Variants in FRYL observed in about 807,000 individuals in gnomAD.
FRYL encodes protein furry homolog-like.
FRYL carries 150 observed loss-of-function variants against 351.2 expected under a neutral mutation model. The ratio of observed to expected loss-of-function variants is 0.43; its 90% confidence interval spans 0.37 to 0.49. The LOEUF (loss-of-function observed/expected upper bound fraction) is 0.49, where lower values mean the gene tolerates loss of function less well. Among genes scored for constraint, FRYL ranks in the 20% least tolerant of loss-of-function variants. The probability of loss-of-function intolerance (pLI) is 0.00; values close to 1 mark genes in which losing one functional copy is unlikely to be tolerated. For synonymous variants in FRYL, 1,153 were observed against 1,257.1 expected, an observed-to-expected ratio of 0.92 and a Z score of 1.75; for missense variants, 3,036 against 3,619.3, an observed-to-expected ratio of 0.84 and a Z score of 4.13.
At chr4:48,518,336 G>A (rs978378452) in intron 55 of FRYL, among the ~76,000 whole-genome samples, 4 of 152,118 alleles carry the variant, frequency 2.6e-5, no homozygotes, top group African/African-American at 9.7e-5. Flanking sequence ...GTCAGGCCCT[G>A]CTAAATTCTT....
At chr4:48,742,557 T>A (rs545524624) in intron 1 of FRYL, among the ~76,000 whole-genome samples, 2 of 152,186 alleles carry the variant, frequency 1.3e-5, no homozygotes, top group East Asian at 3.8e-4. Context: ...AATAGATTGA[T>A]ATTGTCAGTT....
chr4:48,560,286 G>A (rs1475447677), intron 33 of FRYL, among the ~76,000 whole-genome samples: 3 of 152,214 alleles, frequency 2.0e-5, no homozygotes, highest in African/African-American at 7.2e-5. Context: ...TGTTTGTCTT[G>A]CCTTAGAAAC....
chr4:48,755,326 C>T (rs74498004), intron 1 of FRYL, among the ~76,000 whole-genome samples: 3,391 of 152,210 alleles, frequency 0.022, 72 homozygotes, highest in Non-Finnish European at 0.032. Flanking sequence ...TTCATTTCTT[C>T]CAGAAATTTG....
At chr4:48,553,875 C>T (rs1340995447) in intron 35 of FRYL, among the ~76,000 whole-genome samples, 3 of 152,064 alleles carry the variant, frequency 2.0e-5, no homozygotes, top group African/African-American at 4.8e-5. Context: ...AACTACATTG[C>T]CTGGTTTGGA....
In FRYL at chr4:48,567,509, CAT is replaced by C. The variant is rs1236082507; in HGVS notation, c.2997-91_2997-90del. 6 of 946,618 alleles carry C rather than the reference CAT, an allele frequency of 6.3e-6. No individual in the cohort carries two copies. The highest frequency in any genetic ancestry group is 3.4e-5 in the African/African-American group (2 of 59,236). 58.6% of individuals were successfully genotyped at this position (946,618 alleles called of 1,614,324 possible). On this transcript the variant is annotated intron_variant, in intron 27 of 63. Coordinates refer to ENST00000358350, the MANE Select transcript of FRYL (RefSeq NM_015030.2). This position sits in a 1 kb window ranked among gnomAD's most constrained non-coding sequence, Gnocchi z 4.2. ...CTTAATACTCAAAATCAGAATAATA[CAT>C]GTTAATTTTGCATGCTCATGGCAGC...
At chr4:48,593,662 C>G (rs1744003129) in intron 16 of FRYL, among the ~76,000 whole-genome samples, 2 of 152,154 alleles carry the variant, frequency 1.3e-5, no homozygotes, top group Admixed American at 1.3e-4. Context: ...CCGTGCCCGG[C>G]CTATTTATTA....
intron 1 of FRYL, among the ~76,000 whole-genome samples, chr4:48,778,308 G>C (rs1246705422): frequency 6.7e-6 from 1 of 149,004 alleles, no homozygotes; most frequent in Non-Finnish European, 1.5e-5. Context: ...ATCGATGAAC[G>C]CTTTAAAAAG....
intron 34 of FRYL, 149 bp downstream of exon 34, chr4:48,557,304 G>T (rs1734340930): frequency 8.3e-7 from 1 of 1,210,606 alleles, no homozygotes; most frequent in Non-Finnish European, 1.1e-6. Flanking sequence ...TATGGTTTTA[G>T]TAAAAAAAAT....
chr4:48,686,612 TG>T (rs1765175385), intron 2 of FRYL, among the ~76,000 whole-genome samples: 1 of 152,244 alleles, frequency 6.6e-6, no homozygotes, highest in African/African-American at 2.4e-5. Context: ...TTTCATCTTC[TG>T]GGACAAATCA....
chr4:48,521,695 C>A (rs1724942745), intron 54 of FRYL, among the ~76,000 whole-genome samples: 2 of 152,168 alleles, frequency 1.3e-5, no homozygotes, highest in East Asian at 3.8e-4. Context: ...GTAACTAATA[C>A]ACGTAAAACA....
chr4:48,531,007 T>TC, intron 50 of FRYL, 149 bp downstream of exon 50: 1 of 603,812 alleles, frequency 1.7e-6, no homozygotes, highest in Non-Finnish European at 3.0e-6. Context: ...GCAGGCCTTC[T>TC]CCCCATCCCC....
chr4:48,552,369 T>C (rs756412794), intron 36 of FRYL, among the ~76,000 whole-genome samples: 7 of 152,028 alleles, frequency 4.6e-5, no homozygotes, highest in African/African-American at 1.2e-4. Context: ...CCTACAGACG[T>C]TGGCATCACT....
intron 1 of FRYL, among the ~76,000 whole-genome samples, chr4:48,779,570 C>G (rs1299805824): frequency 6.6e-6 from 1 of 151,986 alleles, no homozygotes; most frequent in Non-Finnish European, 1.5e-5. Context: ...TAAGTTTGCT[C>G]CTCAGCCCTC....
Position 48,531,173 on chromosome 4 carries a change from G to A in FRYL, c.6886C>T (p.His2296Tyr). 1 of 1,600,402 alleles carries A rather than the reference G, an allele frequency of 6.2e-7. No homozygotes were observed. Among genetic ancestry groups the A allele is most frequent in the Non-Finnish European group, 8.6e-7 (1 of 1,168,550 alleles). The change falls in exon 50 of 64, where the codon CAT (histidine) becomes TAT (tyrosine). Residue 2296 changes from histidine (H) to tyrosine (Y), a missense_variant. By Grantham distance (83) the His-to-Tyr change is moderately conservative (BLOSUM62 2). This residue lies in a region of FRYL where 1,987 missense variants were observed against 2,311.7 expected (regional missense o/e 0.86). Coordinates refer to ENST00000358350, the MANE Select transcript of FRYL (RefSeq NM_015030.2). ...CATCTTACCTCAGATATATCAAAAT[G>A]AAAATCTAAGGTCTTCCCAGGCAAC... ...KELPGKTLDFHFDISETPIIG... is the reference protein window; with the variant it reads ...KELPGKTLDFYFDISETPIIG...
At chr4:48,658,020 C>G (rs999621137) in intron 3 of FRYL, among the ~76,000 whole-genome samples, 1 of 152,142 alleles carries the variant, frequency 6.6e-6, no homozygotes, top group African/African-American at 2.4e-5. Flanking sequence ...AGCACAGAGT[C>G]AACAGAGGTA....
intron 40 of FRYL, 72 bp from the exon 41 acceptor site, chr4:48,547,841 T>C: frequency 9.4e-7 from 1 of 1,060,444 alleles, no homozygotes; most frequent in Non-Finnish European, 1.3e-6. Context: ...AACTCACATT[T>C]TGAAGAAAAG....
At chr4:48,635,232 T>C (rs866421464) in intron 3 of FRYL, among the ~76,000 whole-genome samples, 12 of 152,060 alleles carry the variant, frequency 7.9e-5, no homozygotes, top group African/African-American at 2.9e-4. Flanking sequence ...TGGAAAGCAT[T>C]AATATGGAGA....
chr4:48,681,070 TCCAAAA>T (rs2149539606), intron 3 of FRYL: 2 of 1,278,130 alleles, frequency 1.6e-6, no homozygotes, highest in Non-Finnish European at 2.0e-6. Context: ...AGTACTAGTA[TCCAAAA>T]CCACATCTCC....
At chr4:48,764,548 A>G (rs1182530356) in intron 1 of FRYL, among the ~76,000 whole-genome samples, 1 of 152,034 alleles carries the variant, frequency 6.6e-6, no homozygotes, top group Non-Finnish European at 1.5e-5. Context: ...AAGAAAAGAA[A>G]AGAAAAGAAA....
Sources: allele counts gnomAD v4.1 joint callset (sites outside exome capture counted in the v4.1 genomes callset), GRCh38; gene constraint gnomAD v4.1.1; regional missense constraint gnomAD v4.1.1; non-coding constraint Gnocchi (gnomAD v3.1); transcripts MANE v1.5; gene names NCBI Gene and HGNC (gene_info 2026-07-23, HGNC 2026-07-21).